Variants in ABLIM2 observed in about 807,000 individuals in gnomAD.
ABLIM2 encodes actin-binding LIM protein 2.
In ABLIM2, 53 loss-of-function variants were observed where a neutral mutation model predicts 97.7. The observed-to-expected ratio is 0.54, with a 90% confidence interval of 0.44 to 0.68. The LOEUF is 0.68. Ranked by LOEUF, ABLIM2 falls within the 30% of genes least tolerant of loss-of-function variation. ABLIM2 has a pLI of 0.00. For missense variants in ABLIM2, 835 were observed against 867.2 expected (o/e 0.96, Z 0.47); for synonymous variants, 361 against 345.8 (o/e 1.04, Z -0.49).
At chr4:8,078,343 G>A (rs1473814743) in intron 5 of ABLIM2, among the ~76,000 whole-genome samples, 7 of 152,228 alleles carry the variant, frequency 4.6e-5, no homozygotes, top group African/African-American at 9.6e-5. Flanking sequence ...CTCTCCCCAC[G>A]CACACGTGCG....
Position 8,004,358 on chromosome 4 carries a change from G to A in ABLIM2, c.1618+3701C>T, listed in dbSNP as rs1038948301. The stretch of plus-strand genomic sequence containing the variant: ...GTGCTGCTGCAGCAGTTAATTCAGA[G>A]CTTTCCTCACCCCCACTCCCACCTG... On this transcript the variant is annotated intron_variant, in intron 16 of 20. Transcript: ENST00000447017. This position sits in a 1 kb window ranked among gnomAD's most constrained non-coding sequence, Gnocchi z 5.9. Among the ~76,000 whole-genome samples, 2 of 152,170 alleles carry A rather than the reference G, an allele frequency of 1.3e-5. No individual in the cohort carries two copies. The highest frequency in any genetic ancestry group is 2.9e-5 in the Non-Finnish European group (2 of 68,026).
chr4:8,137,152 G>C (rs946320951), intron 1 of ABLIM2, among the ~76,000 whole-genome samples: 3 of 152,148 alleles, frequency 2.0e-5, no homozygotes, highest in African/African-American at 7.2e-5. Context: ...CCAGGCTGTG[G>C]TATTTGTCAC....
rs552070814 is a variant in ABLIM2 at position 8,087,036 on chromosome 4, G to A, written c.454+1133C>T. 1.3e-5 allele frequency among the ~76,000 whole-genome samples: 2 copies of A among 152,300 alleles called. No homozygotes were observed. Among genetic ancestry groups the A allele is most frequent in the East Asian group, 1.9e-4 (1 of 5,176 alleles). On this transcript the variant is annotated intron_variant, in intron 4 of 20. Coordinates refer to ENST00000447017, the MANE Select transcript of ABLIM2 (RefSeq NM_001130083.2). This position sits in a 1 kb window ranked among gnomAD's most constrained non-coding sequence, Gnocchi z 4.6. ...GCTGCACCTCGGGGAGGCTGGAAGTGGAATCGCCTCTGTAGAGACTCTCAA... is the reference window on the plus strand; with the variant it reads ...GCTGCACCTCGGGGAGGCTGGAAGTAGAATCGCCTCTGTAGAGACTCTCAA...
In ABLIM2 at chr4:7,970,717, C is replaced by A. The variant is rs944382471; in HGVS notation, c.1825-3614G>T. Among the ~76,000 whole-genome samples, 5 of 151,916 alleles carry A rather than the reference C, an allele frequency of 3.3e-5. No individual in the cohort carries two copies. Among genetic ancestry groups the A allele is most frequent in the African/African-American group, 1.2e-4 (5 of 41,358 alleles). ...GGTGGAGGGAGCATCTGGGTGGCTTCTGAAGTTGCTGGGAATGGTTACCTT... is the reference window on the plus strand; with the variant it reads ...GGTGGAGGGAGCATCTGGGTGGCTTATGAAGTTGCTGGGAATGGTTACCTT... On this transcript the variant is annotated intron_variant, in intron 20 of 20. Coordinates refer to ENST00000447017, the MANE Select transcript of ABLIM2 (RefSeq NM_001130083.2). This position sits in a 1 kb window ranked among gnomAD's most constrained non-coding sequence, Gnocchi z 5.3.
chr4:8,070,861 GCTT>G (rs1811512225), intron 6 of ABLIM2, among the ~76,000 whole-genome samples: 1 of 152,148 alleles, frequency 6.6e-6, no homozygotes, highest in Non-Finnish European at 1.5e-5. Flanking sequence ...GGGACGCTGG[GCTT>G]CTTGTTACCG....
chr4:7,985,053 C>A (rs1742604711), intron 17 of ABLIM2, among the ~76,000 whole-genome samples, 160 bp from the exon 18 acceptor site: 1 of 152,212 alleles, frequency 6.6e-6, no homozygotes, highest in South Asian at 2.1e-4. Flanking sequence ...AGAAGGACAG[C>A]AACAGTGGCT....
At position 8,004,955 on chromosome 4, in the gene ABLIM2, C is replaced by T. The variant is rs1042647804; in HGVS notation, c.1618+3104G>A. Among the ~76,000 whole-genome samples, 15 of 152,186 alleles carry T rather than the reference C, an allele frequency of 9.9e-5. No individual in the cohort carries two copies. Among genetic ancestry groups the T allele is most frequent in the Admixed American group, 4.6e-4 (7 of 15,278 alleles). On this transcript the variant is annotated intron_variant, in intron 16 of 20. Coordinates refer to ENST00000447017, the MANE Select transcript of ABLIM2 (RefSeq NM_001130083.2). The surrounding 1 kb of genome is among the most constrained non-coding windows in gnomAD (Gnocchi z 5.9). ...CCCGGGTTTGTCACCGCCATAAAGT[C>T]CTCTGGCTTCCCTGCTGGGGAACAG...
intron 10 of ABLIM2, among the ~76,000 whole-genome samples, chr4:8,031,755 C>T (rs1312242834): frequency 7.4e-5 from 11 of 148,606 alleles, no homozygotes; most frequent in South Asian, 4.3e-4. Context: ...GATGGAGTCT[C>T]GCTCTGTCAC....
chr4:8,038,964 C>A (rs1325607541), intron 9 of ABLIM2, among the ~76,000 whole-genome samples: 2 of 152,172 alleles, frequency 1.3e-5, no homozygotes, highest in Admixed American at 6.5e-5. Context: ...CCCTCCCACA[C>A]CTCTTCCCTA....
At position 8,045,235 on chromosome 4, in the gene ABLIM2, T is replaced by C. The variant is rs1289041730; in HGVS notation, c.829A>G (p.Arg277Gly). ...GAAATGATGCTCTCTGAGGAAGTTC[T>C]GGTTTCCTGAGAAAGGAGAGAGGAA... The part of the protein sequence containing the change: ...ARTEDRNKET[R>G]TSSESIISVP... Residue 277 changes from arginine to glycine, a missense_variant, in exon 9 of 21, where the codon AGA becomes GGA. Coordinates refer to ENST00000447017, the MANE Select transcript of ABLIM2 (RefSeq NM_001130083.2). The C allele has an allele frequency of 1.2e-6, 2 of 1,613,642 alleles. No homozygotes were observed. Among genetic ancestry groups the C allele is most frequent in the Non-Finnish European group, 1.7e-6 (2 of 1,179,644 alleles).
chr4:8,026,518 C>T (rs1244930536), intron 12 of ABLIM2, among the ~76,000 whole-genome samples: 2 of 152,252 alleles, frequency 1.3e-5, no homozygotes, highest in Admixed American at 6.5e-5. Context: ...CAGCTGCCTG[C>T]CCCACCTTCT....
At chr4:7,985,016 G>A in intron 17 of ABLIM2, 123 bp from the exon 18 acceptor site, 1 of 998,986 alleles carries the variant, frequency 1.0e-6, no homozygotes, top group Non-Finnish European at 1.5e-6. Context: ...GGAGTAGGGT[G>A]TCCTTAGCAC....
In ABLIM2 at chr4:8,085,718, AC is replaced by A. The variant is rs1823120623; in HGVS notation, c.454+2450del. Reference sequence around the variant, plus strand: ...GCCCACGCTGCAGCCCCGTCCACTCACGCGGGTCTGGGGGGTGCACCCAGCA... The same window carrying A: ...GCCCACGCTGCAGCCCCGTCCACTCAGCGGGTCTGGGGGGTGCACCCAGCA... On this transcript the variant is annotated intron_variant, in intron 4 of 20. Transcript: ENST00000447017. The surrounding 1 kb of genome is among the most constrained non-coding windows in gnomAD (Gnocchi z 6.1). 6.6e-6 allele frequency among the ~76,000 whole-genome samples: 1 copy of A among 151,864 alleles called. No homozygotes were observed. The highest frequency in any genetic ancestry group is 1.5e-5 in the Non-Finnish European group (1 of 67,952).
At position 8,015,382 on chromosome 4, in the gene ABLIM2, C is replaced by T. The variant is rs1768237018; in HGVS notation, c.1423+4236G>A. Among the ~76,000 whole-genome samples the T allele has an allele frequency of 6.6e-6, 1 of 152,068 alleles. No individual in the cohort carries two copies. The highest frequency in any genetic ancestry group is 1.5e-5 in the Non-Finnish European group (1 of 68,014). On this transcript the variant is annotated intron_variant, in intron 14 of 20. Coordinates refer to ENST00000447017, the MANE Select transcript of ABLIM2 (RefSeq NM_001130083.2). This position sits in a 1 kb window ranked among gnomAD's most constrained non-coding sequence, Gnocchi z 4.6. ...GGCTGAGTTCCTACTCCCCGGCTCC[C>T]CTGGGGAGCCTCAGTGGGGGCTTCC...
chr4:8,069,868 T>TTGTCGA lies in ABLIM2; in HGVS notation c.675+7754_675+7759dup, dbSNP rs1442571774. Among the ~76,000 whole-genome samples, 1 of 152,080 alleles carries TTGTCGA rather than the reference T, an allele frequency of 6.6e-6. No homozygotes were observed. The highest frequency in any genetic ancestry group is 6.6e-5 in the Admixed American group (1 of 15,250). The stretch of plus-strand genomic sequence containing the variant: ...CGTGTGTGTTTTCTGTGTGTCTGCG[T>TTGTCGA]TGTCGATGTCTGTGTCCCTGTGTTT... On this transcript the variant is annotated intron_variant, in intron 6 of 20. Transcript: ENST00000447017. This position sits in a 1 kb window ranked among gnomAD's most constrained non-coding sequence, Gnocchi z 4.2.
intron 1 of ABLIM2, among the ~76,000 whole-genome samples, chr4:8,141,879 T>C (rs944968874): frequency 6.6e-6 from 1 of 152,212 alleles, no homozygotes; most frequent in Non-Finnish European, 1.5e-5. Context: ...CCGCCTGCAC[T>C]TTGAGTAGAG....
rs1813106982 is a variant in ABLIM2 at position 8,072,711 on chromosome 4, G to A, written c.675+4917C>T. Among the ~76,000 whole-genome samples the A allele has an allele frequency of 6.6e-6, 1 of 152,236 alleles. No individual in the cohort carries two copies. Among genetic ancestry groups the A allele is most frequent in the African/African-American group, 2.4e-5 (1 of 41,464 alleles). On this transcript the variant is annotated intron_variant, in intron 6 of 20. Coordinates refer to ENST00000447017, the MANE Select transcript of ABLIM2 (RefSeq NM_001130083.2). This position sits in a 1 kb window ranked among gnomAD's most constrained non-coding sequence, Gnocchi z 5.8. ...GCCGGGCACGTGGGTGGATCCAGCTGGACGCCCAGGTGAGTGGTGGGAGGC... is the reference window on the plus strand; with the variant it reads ...GCCGGGCACGTGGGTGGATCCAGCTAGACGCCCAGGTGAGTGGTGGGAGGC...
At chr4:8,051,242 G>A (rs1795830432) in intron 8 of ABLIM2, among the ~76,000 whole-genome samples, 1 of 152,230 alleles carries the variant, frequency 6.6e-6, no homozygotes. Context: ...CAGTGTGGTA[G>A]GAGTTATTAA....
In ABLIM2 at chr4:7,972,697, C is replaced by G. The variant is rs547590895; in HGVS notation, c.1825-5594G>C. ...GCCACTGTCCTGGCCTACGAGGCCC[C>G]TGCATTTGGCCTCTGCCTGCCACTC... On this transcript the variant is annotated intron_variant, in intron 20 of 20. Transcript: ENST00000447017. Among the ~76,000 whole-genome samples the G allele has an allele frequency of 9.2e-5, 14 of 152,300 alleles. No individual in the cohort carries two copies. The East Asian group carries it at 2.7e-3, about 29-fold the overall frequency.
Sources: gnomAD v4.1 joint callset for allele counts (sites outside exome capture counted in the v4.1 genomes callset) on GRCh38, gnomAD v4.1.1 for gene constraint, Gnocchi (gnomAD v3.1) non-coding constraint, MANE v1.5 for transcripts, NCBI Gene and HGNC (gene_info 2026-07-23, HGNC 2026-07-21) for gene names.